PLEKHM3: variants seen among roughly 807,000 people sequenced by gnomAD.
The protein encoded by PLEKHM3 is pleckstrin homology domain containing M3, also known as pleckstrin homology domain-containing family M member 3.
PLEKHM3 carries 45 observed loss-of-function variants against 81.8 expected under a neutral mutation model. That is an observed-to-expected ratio of 0.55 (90% CI 0.43 to 0.71). The LOEUF (loss-of-function observed/expected upper bound fraction) is 0.71, where lower values mean the gene tolerates loss of function less well. Ranked by LOEUF, PLEKHM3 falls within the 30% of genes least tolerant of loss-of-function variation. The probability of loss-of-function intolerance (pLI) is 0.00; values close to 1 mark genes in which losing one functional copy is unlikely to be tolerated. For missense variants in PLEKHM3, 788 were observed against 924.3 expected (o/e 0.85, Z 1.91); for synonymous variants, 352 against 356.4 (o/e 0.99, Z 0.14).
chr2:207,863,492 T>C (rs1224855354), intron 6 of PLEKHM3, among the ~76,000 whole-genome samples: 1 of 152,260 alleles, frequency 6.6e-6, no homozygotes, highest in Non-Finnish European at 1.5e-5. Context: ...ATTCACGTCC[T>C]GCCCACTCTA....
chr2:207,883,843 A>G (rs1051583784), intron 6 of PLEKHM3, among the ~76,000 whole-genome samples: 7 of 152,246 alleles, frequency 4.6e-5, no homozygotes, highest in African/African-American at 1.7e-4. Flanking sequence ...AAAGAATTAT[A>G]CACTATGACC....
chr2:207,913,978 C>T (rs897273075), intron 5 of PLEKHM3, among the ~76,000 whole-genome samples: 4 of 151,924 alleles, frequency 2.6e-5, no homozygotes, highest in East Asian at 1.9e-4. Context: ...CGTGCGCACA[C>T]GCGCACACAC....
At chr2:207,996,871 T>C (rs139616116) in intron 2 of PLEKHM3, among the ~76,000 whole-genome samples, 130 of 152,334 alleles carry the variant, frequency 8.5e-4, no homozygotes, top group Middle Eastern at 3.4e-3. Context: ...AACAATTATA[T>C]CATTAAATGT....
At chr2:207,890,453 C>A (rs1688027882) in intron 6 of PLEKHM3, among the ~76,000 whole-genome samples, 1 of 152,030 alleles carries the variant, frequency 6.6e-6, no homozygotes, top group Non-Finnish European at 1.5e-5. Flanking sequence ...CATGGTGAAA[C>A]CCCATCTCTA....
chr2:207,920,341 G>A (rs370317745), intron 5 of PLEKHM3, among the ~76,000 whole-genome samples: 34 of 152,182 alleles, frequency 2.2e-4, no homozygotes, highest in African/African-American at 4.8e-4. Context: ...GGAGAGAGAC[G>A]AGTTTTACAT....
At chr2:207,970,134 T>C (rs1285878640) in intron 3 of PLEKHM3, among the ~76,000 whole-genome samples, 3 of 152,008 alleles carry the variant, frequency 2.0e-5, no homozygotes, top group Non-Finnish European at 4.4e-5. Flanking sequence ...CTCTACCTGT[T>C]TGTGAATGAT....
chr2:208,007,531 A>T (rs537682545), intron 1 of PLEKHM3, among the ~76,000 whole-genome samples: 42 of 152,366 alleles, frequency 2.8e-4, no homozygotes, highest in African/African-American at 9.9e-4. Context: ...TCCCATTTTC[A>T]TAGGTTTGAA....
chr2:207,911,815 G>C (rs1688817664), intron 5 of PLEKHM3, among the ~76,000 whole-genome samples: 1 of 152,176 alleles, frequency 6.6e-6, no homozygotes, highest in Non-Finnish European at 1.5e-5. Context: ...AGAAACATAG[G>C]TCAGCTGGAG....
At chr2:207,828,905 C>T (rs2092268715) in intron 7 of PLEKHM3, among the ~76,000 whole-genome samples, 1 of 152,154 alleles carries the variant, frequency 6.6e-6, no homozygotes, top group African/African-American at 2.4e-5. Flanking sequence ...GCGTTACATC[C>T]ATGGCGAGGC....
At chr2:207,863,681 G>C (rs1203643327) in intron 6 of PLEKHM3, among the ~76,000 whole-genome samples, 1 of 152,090 alleles carries the variant, frequency 6.6e-6, no homozygotes, top group Admixed American at 6.5e-5. Flanking sequence ...CCACCGACCC[G>C]GTCTTTATGT....
intron 6 of PLEKHM3, among the ~76,000 whole-genome samples, chr2:207,880,798 C>CAAAAAACCAAAA (rs2092586952): frequency 2.2e-5 from 1 of 46,492 alleles, no homozygotes; most frequent in Non-Finnish European, 4.6e-5. Context: ...ACCAAAAAAA[C>CAAAAAACCAAAA]AAACAAACAA....
At chr2:207,894,868 A>G (rs546274556) in intron 6 of PLEKHM3, among the ~76,000 whole-genome samples, 22 of 152,310 alleles carry the variant, frequency 1.4e-4, no homozygotes, top group African/African-American at 4.8e-4. Flanking sequence ...CTTTAGCTGG[A>G]CGACTTTGTG....
intron 5 of PLEKHM3, among the ~76,000 whole-genome samples, chr2:207,919,712 A>C (rs74909269): frequency 0.015 from 2,244 of 152,262 alleles, 61 homozygotes; most frequent in African/African-American, 0.051. Context: ...ACTAGGAGCT[A>C]AGTTTTGGAC....
intron 1 of PLEKHM3, among the ~76,000 whole-genome samples, chr2:208,009,104 C>T (rs559429670): frequency 1.3e-5 from 2 of 152,208 alleles, no homozygotes; most frequent in Non-Finnish European, 2.9e-5. Flanking sequence ...AACCCTTCGA[C>T]GAAGCTCCCA....
chr2:207,997,713 C>G (rs1477345043), intron 2 of PLEKHM3, among the ~76,000 whole-genome samples: 2 of 152,098 alleles, frequency 1.3e-5, no homozygotes, highest in African/African-American at 2.4e-5. Context: ...ATTTGAGGTG[C>G]CTTTGGTACA....
intron 3 of PLEKHM3, among the ~76,000 whole-genome samples, chr2:207,948,481 G>T (rs549884689): frequency 1.4e-5 from 2 of 147,512 alleles, no homozygotes; most frequent in Non-Finnish European, 3.0e-5. Context: ...TCAGCCTCCC[G>T]AGTAGCTGGG....
chr2:207,874,327 C>A (rs1234601081), intron 6 of PLEKHM3, among the ~76,000 whole-genome samples: 1 of 152,128 alleles, frequency 6.6e-6, no homozygotes, highest in African/African-American at 2.4e-5. Flanking sequence ...GTAATCCCAG[C>A]ACCTTGGGAG....
chr2:207,836,767 T>G (rs1368213164), intron 7 of PLEKHM3, among the ~76,000 whole-genome samples: 3 of 152,218 alleles, frequency 2.0e-5, no homozygotes, highest in Non-Finnish European at 4.4e-5. Flanking sequence ...GTGTTCATGT[T>G]GGGTTCTTCT....
At chr2:207,914,378 A>G (rs1688914802) in intron 5 of PLEKHM3, among the ~76,000 whole-genome samples, 1 of 152,020 alleles carries the variant, frequency 6.6e-6, no homozygotes, top group African/African-American at 2.4e-5. Flanking sequence ...CATGCCCGTG[A>G]TCCCAGCTAC....
Sources: gnomAD v4.1 joint callset for allele counts (sites outside exome capture counted in the v4.1 genomes callset) on GRCh38, gnomAD v4.1.1 for gene constraint, MANE v1.5 for transcripts, NCBI Gene and HGNC (gene_info 2026-07-23, HGNC 2026-07-21) for gene names.